The following MTRR variants were observed in gnomAD, a reference collection of about 807,000 sequenced individuals.
MTRR encodes methionine synthase reductase.
In MTRR, 63 loss-of-function variants were observed where a neutral mutation model predicts 79.2. That is an observed-to-expected ratio of 0.80 (90% confidence interval 0.65 to 0.98). The LOEUF is 0.98. Ranked by LOEUF, MTRR falls within the 50% of genes least tolerant of loss-of-function variation. MTRR has a pLI of 0.00. For missense variants in MTRR, 895 were observed against 839.6 expected (o/e 1.07, Z -0.82); for synonymous variants, 355 against 313.3 (o/e 1.13, Z -1.41).
At chr5:7,855,740 G>T (rs1228813747) in intron 1 of MTRR, among the ~76,000 whole-genome samples, 1 of 152,170 alleles carries the variant, frequency 6.6e-6, no homozygotes, top group Non-Finnish European at 1.5e-5. Flanking sequence ...GGGTTATTAA[G>T]ATTGTTTCTT....
rs892239997 is a variant in MTRR, at chr5:7,896,964, A to G, written c.1769+8A>G. On this transcript the variant is annotated splice_region_variant and intron_variant, in intron 13 of 14. Transcript: ENST00000440940. ...TAGGGATTATCTATTCAGGTATTGT[A>G]CAATTCCAGTATTGTACTCAACCAC... 20 of 1,613,676 alleles carry G rather than the reference A, an allele frequency of 1.2e-5. No homozygotes were observed. Among genetic ancestry groups the G allele is most frequent in the Non-Finnish European group, 1.5e-5 (18 of 1,179,724 alleles).
chr5:7,892,973 A>T (rs1260363617), intron 11 of MTRR, 60 bp downstream of exon 11: 1 of 1,534,182 alleles, frequency 6.5e-7, no homozygotes, highest in East Asian at 2.4e-5. Flanking sequence ...TTCATTAGAA[A>T]AAACAGTGTT....
At chr5:7,883,406 G>A in intron 6 of MTRR, 129 bp downstream of exon 6, 1 of 1,213,680 alleles carries the variant, frequency 8.2e-7, no homozygotes, top group Non-Finnish European at 1.2e-6. Flanking sequence ...TGTGCGGCTT[G>A]GTTACATGTG....
At chr5:7,893,324 G>A (rs1737954837) in intron 11 of MTRR, 1 of 190,506 alleles carries the variant, frequency 5.2e-6, no homozygotes, top group Non-Finnish European at 1.1e-5. Context: ...GGGAGTCTGA[G>A]GGCAACTAAA....
upstream of MTRR, chr5:7,868,939 A>T: frequency 1.5e-6 from 1 of 681,562 alleles, no homozygotes; most frequent in Non-Finnish European, 2.7e-6. Context: ...TTTGACACCC[A>T]GCCGGACCAA....
At chr5:7,877,083 C>T (rs1734690342) in intron 4 of MTRR, among the ~76,000 whole-genome samples, 2 of 152,192 alleles carry the variant, frequency 1.3e-5, no homozygotes, top group African/African-American at 2.4e-5. Flanking sequence ...CATAATGACA[C>T]ACGGGCCTGA....
Position 7,880,705 on chromosome 5 carries a change from A to G in MTRR, c.780+2383A>G, listed in dbSNP as rs144210640. Among the ~76,000 whole-genome samples, 826 of 152,290 alleles carry G rather than the reference A, an allele frequency of 5.4e-3. 2 individuals are homozygous for G. Among genetic ancestry groups the G allele is most frequent in the Non-Finnish European group, 9.1e-3 (617 of 68,022 alleles). The stretch of plus-strand genomic sequence containing the variant: ...CAGAGACTTCTTCTTGGCCCTCCCC[A>G]TGATGATAGATCTTAACGTCATAGG... On this transcript the variant is annotated intron_variant, in intron 5 of 14. Transcript: ENST00000440940.
At chr5:7,870,168 C>A in intron 1 of MTRR, 1 of 618,108 alleles carries the variant, frequency 1.6e-6, no homozygotes, top group Non-Finnish European at 2.0e-6. Context: ...TGTATATATG[C>A]CCATACACTC....
At chr5:7,898,804 G>A (rs1340615807) in intron 14 of MTRR, among the ~76,000 whole-genome samples, 4 of 152,144 alleles carry the variant, frequency 2.6e-5, no homozygotes, top group Non-Finnish European at 5.9e-5. Context: ...CTGACACTTC[G>A]CTTCATTCAG....
intron 6 of MTRR, chr5:7,885,335 G>T: frequency 4.3e-6 from 1 of 231,630 alleles, no homozygotes; most frequent in Non-Finnish European, 8.5e-6. Flanking sequence ...GTTTTCGTGT[G>T]TGTGTGCATG....
chr5:7,881,044 G>T (rs1327346565), intron 5 of MTRR, among the ~76,000 whole-genome samples: 1 of 152,190 alleles, frequency 6.6e-6, no homozygotes, highest in Admixed American at 6.5e-5. Context: ...TCAGTGGGTT[G>T]CAGGTCTGGA....
At chr5:7,889,307 G>A (rs1342861602) in intron 9 of MTRR, 32 bp downstream of exon 9, 1 of 1,611,670 alleles carries the variant, frequency 6.2e-7, no homozygotes, top group African/African-American at 1.3e-5. Context: ...CACCTTGGTG[G>A]CTGTTCGTGC....
chr5:7,878,748 A>G (rs113011248), intron 5 of MTRR, among the ~76,000 whole-genome samples: 15 of 152,388 alleles, frequency 9.8e-5, no homozygotes, highest in Admixed American at 5.2e-4. Context: ...TTGTGTGGGC[A>G]GTGAGTTGAG....
intron 2 of MTRR, among the ~76,000 whole-genome samples, chr5:7,862,599 AATATTCTGCCCAGG>A (rs1410394424): frequency 6.6e-6 from 1 of 152,034 alleles, no homozygotes; most frequent in African/African-American, 2.4e-5. Flanking sequence ...AAAAAGGTTA[AATATTCTGCCCAGG>A]ATATTCTGCT....
In MTRR at chr5:7,870,777, G is replaced by T. The variant is rs1747823877; in HGVS notation, c.-18G>T. ...TTTTCCCCCATTTTTCAGTTTCACTGTTACATGCCTTGAAGTGATGAGGAG... is the reference window on the plus strand; with the variant it reads ...TTTTCCCCCATTTTTCAGTTTCACTTTTACATGCCTTGAAGTGATGAGGAG... On this transcript the variant is annotated 5_prime_UTR_variant, in exon 2 of 15. Transcript: ENST00000440940. The T allele has an allele frequency of 6.2e-7, 1 of 1,614,190 alleles. No homozygotes were observed. The highest frequency in any genetic ancestry group is 8.5e-7 in the Non-Finnish European group (1 of 1,180,030).
chr5:7,883,021 A>G lies in MTRR; in HGVS notation c.781-134A>G, dbSNP rs1735821399. ...AAGCTAGCTCCATATATCTGCCCTC[A>G]TTCATTTACCTTGGAAATGAATACT... On this transcript the variant is annotated intron_variant, in intron 5 of 14. Coordinates refer to ENST00000440940, the MANE Select transcript of MTRR (RefSeq NM_002454.3). The G allele has an allele frequency of 3.5e-6, 4 of 1,142,200 alleles. No individual in the cohort carries two copies. The Admixed American group carries it at 7.4e-5, about 21-fold the overall frequency. The allele number at this position is 1,142,200 out of a possible 1,614,324, so 70.8% of individuals were successfully genotyped here. A position where few individuals can be genotyped will look rare whatever the true frequency, so the allele number is the denominator to read the frequency against.
chr5:7,851,003 C>T (rs370590411), upstream of MTRR: 19 of 1,276,398 alleles, frequency 1.5e-5, no homozygotes, highest in Non-Finnish European at 1.8e-5. Flanking sequence ...GCGGTGGTCT[C>T]CTCCTCGTCG....
chr5:7,875,442 C>G (rs1748715245), intron 4 of MTRR, 67 bp downstream of exon 4: 1 of 1,312,684 alleles, frequency 7.6e-7, no homozygotes, highest in Non-Finnish European at 1.1e-6. Flanking sequence ...ATTTGTAAAA[C>G]ATGTCAGCTT....
chr5:7,867,028 T>C (rs758796404), upstream of MTRR: 1 of 1,614,170 alleles, frequency 6.2e-7, no homozygotes. Flanking sequence ...CTAGGGCTTT[T>C]GTAAAAAATG....
Sources: allele counts gnomAD v4.1 joint callset (sites outside exome capture counted in the v4.1 genomes callset), GRCh38; gene constraint gnomAD v4.1.1; transcripts MANE v1.5; gene names NCBI Gene and HGNC (gene_info 2026-07-23, HGNC 2026-07-21).